The following SUMF1 variants were observed in gnomAD, a reference collection of about 807,000 sequenced individuals.
SUMF1 encodes formylglycine-generating enzyme.
SUMF1 carries 48 observed loss-of-function variants against 47.6 expected under a neutral mutation model. That is an observed-to-expected ratio of 1.01 (90% CI 0.80 to 1.28). The LOEUF (loss-of-function observed/expected upper bound fraction) is 1.28, where lower values mean the gene tolerates loss of function less well. SUMF1 is among the 50% of genes most tolerant of loss of function. The pLI is 0.00. For synonymous variants in SUMF1, 230 were observed against 192.1 expected (o/e 1.20, Z -1.63); for missense variants, 571 against 485.4 (o/e 1.18, Z -1.66).
intron 8 of SUMF1, chr3:4,316,341 C>T (rs1405944924): frequency 4.9e-6 from 7 of 1,442,156 alleles, no homozygotes; most frequent in South Asian, 2.4e-5. Flanking sequence ...TGCTAACGAA[C>T]GTACAGTGCA....
intron 8 of SUMF1, among the ~76,000 whole-genome samples, chr3:4,217,523 T>TATATATATTATATATATTATATATATATA (rs1553610090): frequency 2.1e-4 from 10 of 48,594 alleles, no homozygotes; most frequent in Admixed American, 5.7e-4. Flanking sequence ...TTTATATATA[T>TATATATATTATATATATTATATATATATA]ATATATATAT....
intron 2 of SUMF1, among the ~76,000 whole-genome samples, chr3:4,450,796 A>C (rs1012118010): frequency 6.6e-6 from 1 of 152,176 alleles, no homozygotes; most frequent in South Asian, 2.1e-4. Flanking sequence ...AAGGGGGATA[A>C]GCAAGAGGAC....
At chr3:4,462,615 G>A (rs1359140344) in intron 1 of SUMF1, among the ~76,000 whole-genome samples, 2 of 151,950 alleles carry the variant, frequency 1.3e-5, no homozygotes, top group East Asian at 1.9e-4. Flanking sequence ...TAACTTTTTT[G>A]TGTAACTTCT....
chr3:4,093,715 G>C (rs1574876387), intron 8 of SUMF1, among the ~76,000 whole-genome samples: 1 of 152,176 alleles, frequency 6.6e-6, no homozygotes, highest in East Asian at 1.9e-4. Flanking sequence ...AAACAGATTT[G>C]AATTTGTTTC....
At chr3:4,225,972 G>A (rs1696163251) in intron 8 of SUMF1, among the ~76,000 whole-genome samples, 1 of 152,054 alleles carries the variant, frequency 6.6e-6, no homozygotes, top group African/African-American at 2.4e-5. Flanking sequence ...GCAGGATGGT[G>A]GGAGCAGAAA....
intron 8 of SUMF1, 80 bp from the exon 9 acceptor site, chr3:4,362,334 C>A: frequency 2.6e-6 from 3 of 1,158,994 alleles, no homozygotes; most frequent in Non-Finnish European, 3.9e-6. Context: ...CATATTGCAC[C>A]GGCTGTAGAC....
chr3:4,334,640 T>C (rs1389184226), intron 8 of SUMF1, among the ~76,000 whole-genome samples: 1 of 152,186 alleles, frequency 6.6e-6, no homozygotes, highest in Non-Finnish European at 1.5e-5. Context: ...CAATAATAAG[T>C]TGGTACCCTA....
intron 3 of SUMF1, 99 bp downstream of exon 3, chr3:4,449,167 A>G: frequency 7.9e-7 from 1 of 1,271,464 alleles, no homozygotes; most frequent in Non-Finnish European, 1.2e-6. Flanking sequence ...GTTAGGTGTT[A>G]CAGGGAGAGG....
chr3:4,270,980 A>T (rs1386344195), intron 8 of SUMF1, among the ~76,000 whole-genome samples: 2 of 152,230 alleles, frequency 1.3e-5, no homozygotes, highest in African/African-American at 2.4e-5. Context: ...CAACAAAGAG[A>T]AAACACTTAA....
Position 4,270,349 on chromosome 3 carries a change from TTC to T in SUMF1, c.1014+105979_1014+105980del, listed in dbSNP as rs1407772733. Reference sequence around the variant, plus strand: ...CAAGAGAGGGAAAGTCTCTTCCTTCTTCTCTCTTCCTTTCCCTTCCCTTATTT... The same window carrying T: ...CAAGAGAGGGAAAGTCTCTTCCTTCTTCTCTTCCTTTCCCTTCCCTTATTT... On this transcript the variant is annotated intron_variant and NMD_transcript_variant, in intron 8 of 12. Transcript: ENST00000448413. Among the ~76,000 whole-genome samples the T allele has an allele frequency of 2.0e-5, 3 of 152,194 alleles. No homozygotes were observed. The East Asian group carries it at 5.8e-4, about 29-fold the overall frequency.
At chr3:4,460,295 A>C (rs888251376) in intron 1 of SUMF1, among the ~76,000 whole-genome samples, 1 of 152,186 alleles carries the variant, frequency 6.6e-6, no homozygotes, top group Non-Finnish European at 1.5e-5. Flanking sequence ...TGTTCACTAT[A>C]TACTCTTCTA....
intron 8 of SUMF1, among the ~76,000 whole-genome samples, chr3:4,287,203 C>T (rs548197946): frequency 4.6e-5 from 7 of 152,216 alleles, no homozygotes; most frequent in Non-Finnish European, 1.0e-4. Flanking sequence ...CAATGCAAAG[C>T]TTTCAGGGGG....
chr3:4,081,410 C>G (rs982664307), intron 8 of SUMF1, among the ~76,000 whole-genome samples: 2 of 152,124 alleles, frequency 1.3e-5, no homozygotes, highest in African/African-American at 4.8e-5. Context: ...GGCACCGTTC[C>G]TAGCATATAG....
chr3:4,333,151 C>T (rs116263862), intron 8 of SUMF1, among the ~76,000 whole-genome samples: 2,508 of 152,280 alleles, frequency 0.016, 62 homozygotes, highest in African/African-American at 0.058. Flanking sequence ...GACAAGAGCT[C>T]GGGATACAGG....
chr3:4,145,348 C>T (rs563253600), intron 8 of SUMF1, among the ~76,000 whole-genome samples: 24 of 151,982 alleles, frequency 1.6e-4, no homozygotes, highest in Non-Finnish European at 2.5e-4. Context: ...ATGAATAAAT[C>T]TCTAGCAAAT....
intron 8 of SUMF1, among the ~76,000 whole-genome samples, chr3:4,176,541 C>G (rs1278654077): frequency 6.6e-6 from 1 of 152,082 alleles, no homozygotes. Context: ...GAAGGAAGCA[C>G]TAAACATGGA....
At chr3:4,351,601 C>T (rs35267531) in intron 8 of SUMF1, among the ~76,000 whole-genome samples, 49 of 152,252 alleles carry the variant, frequency 3.2e-4, no homozygotes, top group Middle Eastern at 3.4e-3. Flanking sequence ...TGAATGTGTT[C>T]CATGCACCCA....
At chr3:4,134,120 A>G (rs1693861796) in intron 8 of SUMF1, among the ~76,000 whole-genome samples, 1 of 152,148 alleles carries the variant, frequency 6.6e-6, no homozygotes, top group South Asian at 2.1e-4. Flanking sequence ...ACGCAGACCT[A>G]ATAGACATCT....
chr3:4,282,976 T>G (rs1697558776), intron 8 of SUMF1, among the ~76,000 whole-genome samples: 1 of 152,194 alleles, frequency 6.6e-6, no homozygotes, highest in South Asian at 2.1e-4. Context: ...ACTTCTCTAC[T>G]CTGAGAACAA....
Sources: allele counts gnomAD v4.1 joint callset (sites outside exome capture counted in the v4.1 genomes callset), GRCh38; gene constraint gnomAD v4.1.1; transcripts MANE v1.5; gene names NCBI Gene and HGNC (gene_info 2026-07-23, HGNC 2026-07-21).